GPC5: variants seen among roughly 807,000 people sequenced by gnomAD.
The protein encoded by GPC5 is glypican-5.
GPC5 carries 47 observed loss-of-function variants against 53.9 expected under a neutral mutation model. The ratio of observed to expected loss-of-function variants is 0.87; its 90% CI spans 0.69 to 1.11. GPC5 has a LOEUF of 1.11. Ranked by LOEUF, GPC5 falls within the 50% of genes most tolerant of loss-of-function variation. The pLI is 0.00. For missense variants in GPC5, 748 were observed against 713.1 expected (o/e 1.05, Z -0.56); for synonymous variants, 286 against 263.3 (o/e 1.09, Z -0.84).
intron 7 of GPC5, among the ~76,000 whole-genome samples, chr13:92,169,336 A>G (rs934406295): frequency 2.0e-5 from 3 of 152,226 alleles, no homozygotes; most frequent in Non-Finnish European, 2.9e-5. Context: ...CCTGGAACTT[A>G]AAAAAGAATT....
intron 7 of GPC5, among the ~76,000 whole-genome samples, chr13:92,650,114 A>T (rs911677510): frequency 6.6e-6 from 1 of 152,078 alleles, no homozygotes; most frequent in African/African-American, 2.4e-5. Context: ...TTTTACTTAC[A>T]TCTGTTATTT....
chr13:92,136,666 A>G (rs527975013), intron 6 of GPC5, among the ~76,000 whole-genome samples: 2 of 152,308 alleles, frequency 1.3e-5, no homozygotes, highest in South Asian at 4.1e-4. Flanking sequence ...ATCATTATGT[A>G]TACTGTCTTA....
chr13:92,341,025 T>A (rs72638657), intron 7 of GPC5, among the ~76,000 whole-genome samples: 1 of 152,288 alleles, frequency 6.6e-6, no homozygotes, highest in Non-Finnish European at 1.5e-5. Context: ...TCTTCATTTT[T>A]TTTAAAATTT....
rs533613659 is a variant in GPC5 at position 91,641,151 on chromosome 13, C to T, written c.326-52036C>T. Among the ~76,000 whole-genome samples the T allele has an allele frequency of 2.7e-3, 410 of 152,176 alleles. 3 individuals are homozygous for T. Among genetic ancestry groups the T allele is most frequent in the African/African-American group, 9.3e-3 (385 of 41,524 alleles). ...GACCATCCTGGCTAACACGGTGAAA[C>T]GCAGTCTTTACTAAAAATACAAAAA... is the stretch of plus-strand genomic sequence containing the variant. On this transcript the variant is annotated intron_variant, in intron 2 of 7. Transcript: ENST00000377067.
intron 6 of GPC5, among the ~76,000 whole-genome samples, chr13:92,141,713 G>T (rs965894800): frequency 6.6e-6 from 1 of 152,270 alleles, no homozygotes; most frequent in Non-Finnish European, 1.5e-5. Context: ...TGGGCTCACT[G>T]CTCAGGGTCT....
intron 7 of GPC5, among the ~76,000 whole-genome samples, chr13:92,400,196 G>A (rs895124942): frequency 1.1e-4 from 17 of 152,086 alleles, no homozygotes; most frequent in Non-Finnish European, 1.9e-4. Context: ...AGCATAAAGC[G>A]GCACTAATAT....
chr13:92,303,867 C>T (rs2043092225), intron 7 of GPC5, among the ~76,000 whole-genome samples: 1 of 152,152 alleles, frequency 6.6e-6, no homozygotes. Context: ...TTAGCAAGAG[C>T]AGGTTTTCCA....
chr13:91,517,480 C>T (rs1885566504), intron 2 of GPC5, among the ~76,000 whole-genome samples: 1 of 152,188 alleles, frequency 6.6e-6, no homozygotes, highest in Non-Finnish European at 1.5e-5. Context: ...CAGCCTGGAC[C>T]TTATTGTTCA....
At chr13:92,454,766 G>A (rs186316662) in intron 7 of GPC5, among the ~76,000 whole-genome samples, 8 of 152,090 alleles carry the variant, frequency 5.3e-5, no homozygotes, top group Admixed American at 4.6e-4. Context: ...AAAGTCAGAG[G>A]CATTTGGTGT....
chr13:92,866,478 G>A lies in GPC5; in HGVS notation c.*39G>A, dbSNP rs370833514. 1.7e-5 allele frequency: 25 copies of A among 1,486,152 alleles called. No individual in the cohort carries two copies. The highest frequency in any genetic ancestry group is 1.4e-4 in the African/African-American group (10 of 71,186). The allele number at this position is 1,486,152 out of a possible 1,614,324, so 92.1% of individuals were successfully genotyped here. ...TCCTGACATACCTTACTGAAGTCTC[G>A]ATTTCTTCTCTCTCTGCATATGCCT... On this transcript the variant is annotated 3_prime_UTR_variant, in exon 8 of 8. Coordinates refer to ENST00000377067, the MANE Select transcript of GPC5 (RefSeq NM_004466.6).
chr13:91,571,703 T>G (rs903173660), intron 2 of GPC5, among the ~76,000 whole-genome samples: 1 of 148,110 alleles, frequency 6.8e-6, no homozygotes, highest in African/African-American at 2.5e-5. Context: ...CCAGCCTACA[T>G]GACAGAGCAA....
At chr13:92,333,578 G>A (rs2043302609) in intron 7 of GPC5, among the ~76,000 whole-genome samples, 1 of 152,040 alleles carries the variant, frequency 6.6e-6, no homozygotes, top group South Asian at 2.1e-4. Context: ...GATGTCTGGA[G>A]GCATAGGCTT....
intron 6 of GPC5, among the ~76,000 whole-genome samples, chr13:92,042,083 G>C (rs1430438410): frequency 6.6e-6 from 1 of 152,158 alleles, no homozygotes; most frequent in Admixed American, 6.5e-5. Flanking sequence ...CAGCTGACTG[G>C]GGTCCTGAGT....
intron 5 of GPC5, among the ~76,000 whole-genome samples, chr13:91,837,992 G>GA (rs1291892859): frequency 6.6e-6 from 1 of 152,128 alleles, no homozygotes; most frequent in African/African-American, 2.4e-5. Flanking sequence ...TGTCGTAGAT[G>GA]AAAATGGAGA....
chr13:92,451,235 G>T (rs1878049511), intron 7 of GPC5, among the ~76,000 whole-genome samples: 1 of 152,080 alleles, frequency 6.6e-6, no homozygotes, highest in African/African-American at 2.4e-5. Context: ...ATCACTTTCT[G>T]CCACTCTACT....
At chr13:91,796,923 AT>A (rs2038055942) in intron 5 of GPC5, among the ~76,000 whole-genome samples, 1 of 151,904 alleles carries the variant, frequency 6.6e-6, no homozygotes, top group East Asian at 1.9e-4. Flanking sequence ...TAAAATTAGT[AT>A]TTTTCCTTTG....
intron 7 of GPC5, among the ~76,000 whole-genome samples, chr13:92,456,878 G>A (rs1310621710): frequency 2.6e-5 from 4 of 152,134 alleles, no homozygotes; most frequent in African/African-American, 9.7e-5. Context: ...AGATTAAAGT[G>A]TACATGTGCA....
In GPC5 at chr13:92,785,994, A is replaced by G. The variant is rs1262381543; in HGVS notation, c.1562-80288A>G. ...TATTATAGTTTGTACTTTGTCAATT[A>G]CTCAAAAATCAACCCTTGTCAAAAT... On this transcript the variant is annotated intron_variant, in intron 7 of 7. Coordinates refer to ENST00000377067, the MANE Select transcript of GPC5 (RefSeq NM_004466.6). Among the ~76,000 whole-genome samples the G allele has an allele frequency of 2.6e-5, 4 of 152,200 alleles. No homozygotes were observed. The East Asian group carries it at 5.8e-4, about 22-fold the overall frequency.
At chr13:92,747,112 T>C (rs769874468) in intron 7 of GPC5, among the ~76,000 whole-genome samples, 8 of 152,160 alleles carry the variant, frequency 5.3e-5, no homozygotes, top group Non-Finnish European at 1.0e-4. Flanking sequence ...ATGTGGCCCA[T>C]TGTTAGCCAA....
Sources: allele counts gnomAD v4.1 joint callset (sites outside exome capture counted in the v4.1 genomes callset), GRCh38; gene constraint gnomAD v4.1.1; transcripts MANE v1.5; gene names NCBI Gene and HGNC (gene_info 2026-07-23, HGNC 2026-07-21).